Variants in ARHGEF10L observed in about 807,000 individuals in gnomAD.
ARHGEF10L encodes Rho guanine nucleotide exchange factor 10 like, also known as rho guanine nucleotide exchange factor 10-like protein.
In ARHGEF10L, 69 loss-of-function variants were observed where a neutral mutation model predicts 141.2. The observed-to-expected ratio is 0.49, with a 90% confidence interval of 0.40 to 0.60. ARHGEF10L has a LOEUF of 0.60. Among genes scored for constraint, ARHGEF10L ranks in the 20% least tolerant of loss-of-function variants. The pLI is 0.00. For missense variants in ARHGEF10L, 1,482 were observed against 1,734.3 expected, an observed-to-expected ratio of 0.85 and a Z score of 2.58; for synonymous variants, 711 against 718.5, an observed-to-expected ratio of 0.99 and a Z score of 0.17.
intron 22 of ARHGEF10L, among the ~76,000 whole-genome samples, chr1:17,653,327 T>G (rs2062038686): frequency 6.6e-6 from 1 of 152,192 alleles, no homozygotes. Flanking sequence ...CCCAGTTTCC[T>G]GGCACAGGCA....
intron 7 of ARHGEF10L, among the ~76,000 whole-genome samples, chr1:17,611,446 C>T (rs2059542960): frequency 6.6e-6 from 1 of 152,158 alleles, no homozygotes; most frequent in African/African-American, 2.4e-5. Context: ...TTAAGATTCT[C>T]ATTTTGTTGA....
chr1:17,619,572 G>A lies in ARHGEF10L; in HGVS notation c.942+127G>A. On this transcript the variant is annotated intron_variant, in intron 10 of 28. Transcript: ENST00000361221. This position sits in a 1 kb window ranked among gnomAD's most constrained non-coding sequence, Gnocchi z 5.0. Reference sequence around the variant, plus strand: ...ATATGATGACTGGGGGCTCTTGGCAGAGCCCAGCTGGATAGGGGCCTCCTA... The same window carrying A: ...ATATGATGACTGGGGGCTCTTGGCAAAGCCCAGCTGGATAGGGGCCTCCTA... The A allele has an allele frequency of 1.4e-6, 1 of 731,144 alleles. No individual in the cohort carries two copies. Among genetic ancestry groups the A allele is most frequent in the Admixed American group, 3.1e-5 (1 of 32,292 alleles). 45.3% of individuals were successfully genotyped at this position (731,144 alleles called of 1,614,324 possible). A position where few individuals can be genotyped will look rare whatever the true frequency, so the allele number is the denominator to read the frequency against.
At position 17,697,436 on chromosome 1, in the gene ARHGEF10L, G is replaced by A. The variant is rs905311969; in HGVS notation, c.*56G>A. The stretch of plus-strand genomic sequence containing the variant: ...TGCAGGCCTGACCAAGGCCACGCCC[G>A]GCTCTCGTGCTCTAGGACCTGCACG... On this transcript the variant is annotated 3_prime_UTR_variant, in exon 29 of 29. Transcript: ENST00000361221. The surrounding 1 kb of genome is among the most constrained non-coding windows in gnomAD (Gnocchi z 4.8). The A allele has an allele frequency of 1.7e-5, 26 of 1,529,848 alleles. No individual in the cohort carries two copies. The highest frequency in any genetic ancestry group is 1.7e-4 in the African/African-American group (12 of 72,670). The allele number at this position is 1,529,848 out of a possible 1,614,324, so 94.8% of individuals were successfully genotyped here. A position where few individuals can be genotyped will look rare whatever the true frequency, so the allele number is the denominator to read the frequency against.
Position 17,675,660 on chromosome 1 carries a change from T to TGGGTGCAGGTGTGGGTGCACATG in ARHGEF10L, c.3009+11066_3009+11088dup, listed in dbSNP as rs200192794. Among the ~76,000 whole-genome samples, 321 of 147,720 alleles carry TGGGTGCAGGTGTGGGTGCACATG rather than the reference T, an allele frequency of 2.2e-3. 10 individuals are homozygous for TGGGTGCAGGTGTGGGTGCACATG. The East Asian group carries it at 0.056, about 26-fold the overall frequency. On this transcript the variant is annotated intron_variant, in intron 26 of 28. Transcript: ENST00000361221. ...TTGTGTGCAGGTGTTGGTGCAGGCATGGGTGCAGGTGTGGGTGCACATGTG... is the reference window on the plus strand; with the variant it reads ...TTGTGTGCAGGTGTTGGTGCAGGCATGGGTGCAGGTGTGGGTGCACATGGGGTGCAGGTGTGGGTGCACATGTG...
rs79398925 is a variant in ARHGEF10L, at chr1:17,668,801, C to T, written c.3009+4206C>T. ...GCACAGTAACAAGGTGATCGCTATG[C>T]GTATTTAATAAGCCATGCTCCTGCT... is the stretch of plus-strand genomic sequence containing the variant. On this transcript the variant is annotated intron_variant, in intron 26 of 28. Coordinates refer to ENST00000361221, the MANE Select transcript of ARHGEF10L (RefSeq NM_018125.4). Among the ~76,000 whole-genome samples, 1,033 of 150,488 alleles carry T rather than the reference C, an allele frequency of 6.9e-3. 13 individuals are homozygous for T. The highest frequency in any genetic ancestry group is 6.8e-3 in the Middle Eastern group (2 of 292).
chr1:17,538,573 G>GT (rs2100572342), upstream of ARHGEF10L, among the ~76,000 whole-genome samples: 1 of 152,002 alleles, frequency 6.6e-6, no homozygotes, highest in South Asian at 2.1e-4. Flanking sequence ...CACTGTAGCC[G>GT]TTTGTTTATT....
rs530209225 is a variant in ARHGEF10L, at chr1:17,695,141, G to T, written c.3185-17G>T. ...CTCCCCAGGAGGGCACTGCTCAGCCGCCCTCTCTTTCTGCAGGCCAGAAGC... is the reference window on the plus strand; with the variant it reads ...CTCCCCAGGAGGGCACTGCTCAGCCTCCCTCTCTTTCTGCAGGCCAGAAGC... On this transcript the variant is annotated splice_polypyrimidine_tract_variant and intron_variant, in intron 27 of 28. Coordinates refer to ENST00000361221, the MANE Select transcript of ARHGEF10L (RefSeq NM_018125.4). 2.5e-6 allele frequency: 4 copies of T among 1,612,008 alleles called. No homozygotes were observed. The highest frequency in any genetic ancestry group is 1.7e-5 in the Admixed American group (1 of 59,996).
rs1342123196 is a variant in ARHGEF10L, at chr1:17,685,033, C to T, written c.3010-2540C>T. Among the ~76,000 whole-genome samples, 3 of 152,300 alleles carry T rather than the reference C, an allele frequency of 2.0e-5. No individual in the cohort carries two copies. The East Asian group carries it at 5.8e-4, about 29-fold the overall frequency. On this transcript the variant is annotated intron_variant, in intron 26 of 28. Coordinates refer to ENST00000361221, the MANE Select transcript of ARHGEF10L (RefSeq NM_018125.4). ...TAGCTCCGCATGGAGACCCCCGCCC[C>T]TCACAAGCTTCCTTAACTCAGTGGG... is the stretch of plus-strand genomic sequence containing the variant.
intron 26 of ARHGEF10L, among the ~76,000 whole-genome samples, chr1:17,687,046 T>C (rs2064663494): frequency 6.6e-6 from 1 of 151,810 alleles, no homozygotes. Context: ...TGTTGTCTCC[T>C]TGCTGTGAAT....
chr1:17,582,243 C>T (rs374978089), intron 2 of ARHGEF10L, among the ~76,000 whole-genome samples: 13 of 152,296 alleles, frequency 8.5e-5, no homozygotes, highest in African/African-American at 3.1e-4. Flanking sequence ...CCCGCCCCTG[C>T]TGCCATGGGC....
In ARHGEF10L at chr1:17,692,805, T is replaced by A. The variant is rs1165292838; in HGVS notation, c.3185-2353T>A. Among the ~76,000 whole-genome samples the A allele has an allele frequency of 2.6e-5, 4 of 152,248 alleles. No individual in the cohort carries two copies. The East Asian group carries it at 7.7e-4, about 29-fold the overall frequency. On this transcript the variant is annotated intron_variant, in intron 27 of 28. Coordinates refer to ENST00000361221, the MANE Select transcript of ARHGEF10L (RefSeq NM_018125.4). Reference sequence around the variant, plus strand: ...CCTGGCCCTGACCCATCCCCTCTTCTGACCATCTGGAGTCTGCCTTCTGTG... The same window carrying A: ...CCTGGCCCTGACCCATCCCCTCTTCAGACCATCTGGAGTCTGCCTTCTGTG...
At position 17,656,008 on chromosome 1, in the gene ARHGEF10L, G is replaced by A. The variant is rs1415723925; in HGVS notation, c.2611G>A (p.Glu871Lys). 6.4e-7 allele frequency: 1 copy of A among 1,573,002 alleles called. No homozygotes were observed. The highest frequency in any genetic ancestry group is 1.3e-5 in the African/African-American group (1 of 74,302). Residue 871 changes from glutamate to lysine, a missense_variant, in exon 24 of 29, where the codon GAG becomes AAG. Physicochemically the swap from Glu to Lys is moderately conservative, Grantham distance 56. This residue lies in a region of ARHGEF10L where 858 missense variants were observed against 966.3 expected (regional missense o/e 0.89). Transcript: ENST00000361221. This position sits in a 1 kb window ranked among gnomAD's most constrained non-coding sequence, Gnocchi z 4.9. The stretch of plus-strand genomic sequence containing the variant: ...CTGCATGGAGTATATCCCGGAGCTG[G>A]AGGAGGAGGCGGAGAGCAGAGACGA... ...VLCMEYIPEL[E>K]EEAESRDESP...
chr1:17,642,964 G>A (rs868401034), intron 21 of ARHGEF10L, among the ~76,000 whole-genome samples: 78 of 152,290 alleles, frequency 5.1e-4, no homozygotes, highest in African/African-American at 1.8e-3. Flanking sequence ...ACGGTGATTC[G>A]GGCAGCCCCA....
At chr1:17,533,761 G>A in the ARHGEF10L span, among the ~76,000 whole-genome samples, 2 of 152,114 alleles carry the variant, frequency 1.3e-5, no homozygotes, top group African/African-American at 4.8e-5. Context: ...GTTTCATCTT[G>A]ATGAGACCGA....
chr1:17,540,063 G>A (rs903705633), intron 1 of ARHGEF10L, 113 bp downstream of exon 1: 1 of 151,498 alleles, frequency 6.6e-6, no homozygotes, highest in Non-Finnish European at 1.5e-5. Context: ...TCCTGGGCGT[G>A]TCGCCGTGGG....
chr1:17,605,358 G>A (rs955488849), intron 6 of ARHGEF10L, among the ~76,000 whole-genome samples: 5 of 152,182 alleles, frequency 3.3e-5, no homozygotes, highest in African/African-American at 9.6e-5. Context: ...TGACCCATCT[G>A]TAGAACTGGG....
chr1:17,659,608 C>A (rs561852407), intron 25 of ARHGEF10L, among the ~76,000 whole-genome samples: 6 of 152,338 alleles, frequency 3.9e-5, no homozygotes, highest in Admixed American at 3.9e-4. Flanking sequence ...ACCTCAGAAC[C>A]CACCATAGTG....
Position 17,648,492 on chromosome 1 carries a change from T to C in ARHGEF10L, c.2273-62T>C, listed in dbSNP as rs550817229. Reference sequence around the variant, plus strand: ...GGCTCCCTGGGGCTTGGAGGGCTCCTCATGGCCCAGTTGGTCCTTGGACTC... The same window carrying C: ...GGCTCCCTGGGGCTTGGAGGGCTCCCCATGGCCCAGTTGGTCCTTGGACTC... On this transcript the variant is annotated intron_variant, in intron 21 of 28. Transcript: ENST00000361221. The C allele has an allele frequency of 2.2e-4, 352 of 1,592,770 alleles. 1 individual carries two copies. In the African/African-American group the frequency reaches 4.3e-3, roughly 20 times the overall value.
At chr1:17,616,067 C>CT (rs1413670639) in intron 8 of ARHGEF10L, 27 bp from the exon 9 acceptor site, 1 of 1,605,104 alleles carries the variant, frequency 6.2e-7, no homozygotes, top group Non-Finnish European at 8.5e-7. Flanking sequence ...CGTCCCTTCC[C>CT]TGATGAGCCT....
Sources: allele counts gnomAD v4.1 joint callset (sites outside exome capture counted in the v4.1 genomes callset), GRCh38; gene constraint gnomAD v4.1.1; regional missense constraint gnomAD v4.1.1; non-coding constraint Gnocchi (gnomAD v3.1); transcripts MANE v1.5; gene names NCBI Gene and HGNC (gene_info 2026-07-23, HGNC 2026-07-21).